ACSM2A: variants seen among roughly 807,000 people sequenced by gnomAD.
ACSM2A encodes acyl-coenzyme A synthetase ACSM2A, mitochondrial.
ACSM2A carries 72 observed loss-of-function variants against 76.6 expected under a neutral mutation model. That is an observed-to-expected ratio of 0.94 (90% CI 0.78 to 1.14). The LOEUF (loss-of-function observed/expected upper bound fraction) is 1.14, where lower values mean the gene tolerates loss of function less well. Ranked by LOEUF, ACSM2A falls within the 50% of genes most tolerant of loss-of-function variation. The pLI, the probability that ACSM2A is intolerant of heterozygous loss-of-function variation, is 0.00. For missense variants in ACSM2A, 684 were observed against 708.5 expected (o/e 0.97, Z 0.39); for synonymous variants, 249 against 255.9 (o/e 0.97, Z 0.26).
At chr16:20,486,090 C>A (rs536803201) in intron 13 of ACSM2A, among the ~76,000 whole-genome samples, 2 of 152,322 alleles carry the variant, frequency 1.3e-5, no homozygotes, top group South Asian at 2.1e-4. Context: ...TCAGATTAAC[C>A]CAGATTAATA....
At chr16:20,479,817 A>G (rs1182573152) in intron 10 of ACSM2A, among the ~76,000 whole-genome samples, 1 of 152,220 alleles carries the variant, frequency 6.6e-6, no homozygotes. Context: ...TGAGAAAGTC[A>G]ATCCAGTGGC....
intron 13 of ACSM2A, among the ~76,000 whole-genome samples, chr16:20,483,649 C>A (rs992636488): frequency 2.1e-5 from 3 of 140,824 alleles, no homozygotes; most frequent in South Asian, 4.7e-4. Flanking sequence ...TAGCTTGATG[C>A]CTGAAAAATG....
intron 10 of ACSM2A, among the ~76,000 whole-genome samples, chr16:20,480,230 G>A (rs2014003687): frequency 6.6e-6 from 1 of 152,186 alleles, no homozygotes; most frequent in South Asian, 2.1e-4. Flanking sequence ...GCTTTGAGTG[G>A]TGCTATGGAG....
chr16:20,474,339 T>C (rs1156959146), intron 6 of ACSM2A: 2 of 191,712 alleles, frequency 1.0e-5, no homozygotes, highest in Non-Finnish European at 2.2e-5. Flanking sequence ...TAATGGGTTA[T>C]CCTGTTAGTG....
chr16:20,481,264 T>C, intron 12 of ACSM2A: 1 of 309,608 alleles, frequency 3.2e-6, no homozygotes, highest in Non-Finnish European at 6.1e-6. Context: ...CAAGAAGATG[T>C]CCACACTCCC....
At position 20,487,419 on chromosome 16, in the gene ACSM2A, T is replaced by C. The variant is rs2014434614; in HGVS notation, c.*741T>C. ...TTGGGACATTAGAATCATCCACAAG[T>C]CACCCCAAACCTTGGAACTGTCAGG... On this transcript the variant is annotated 3_prime_UTR_variant, in exon 14 of 14. Transcript: ENST00000573854. 6.6e-6 allele frequency: 1 copy of C among 152,206 alleles called. No homozygotes were observed. The highest frequency in any genetic ancestry group is 2.1e-4 in the South Asian group (1 of 4,814). 9.4% of individuals were successfully genotyped at this position (152,206 alleles called of 1,614,324 possible).
chr16:20,480,594 G>C lies in ACSM2A; in HGVS notation c.1303G>C (p.Ala435Pro), dbSNP rs577931949. The C allele has an allele frequency of 1.2e-6, 2 of 1,613,882 alleles. No individual in the cohort carries two copies. The highest frequency in any genetic ancestry group is 3.3e-5 in the Admixed American group (2 of 60,008). The change falls in exon 11 of 14, where the codon GCC (alanine) becomes CCC (proline). Residue 435 changes from alanine (A) to proline (P), a missense_variant. Coordinates refer to ENST00000573854, the MANE Select transcript of ACSM2A (RefSeq NM_001308172.2). ...CCAGGACAATCCCGACAAGACAGCA[G>C]CCAACATTCGAGGAGACTTTTGGCT... The part of the protein sequence containing the change: ...GYVDNPDKTA[A>P]NIRGDFWLLG...
Position 20,469,685 on chromosome 16 carries a change from T to G in ACSM2A, c.562T>G (p.Cys188Gly), listed in dbSNP as rs749254977. ...TAAGCTACTGGTGTCTGAGAAAAGC[T>G]GTGATGGGTGGCTGAACTTCAAGAA... is the stretch of plus-strand genomic sequence containing the variant. ...RIKLLVSEKS[C>G]DGWLNFKKLL... The change falls in exon 4 of 14, where the codon TGT (cysteine) becomes GGT (glycine). Residue 188 changes from cysteine to glycine, a missense_variant. Cys to Gly is a radical substitution (Grantham distance 159). Coordinates refer to ENST00000573854, the MANE Select transcript of ACSM2A (RefSeq NM_001308172.2). 6.2e-7 allele frequency: 1 copy of G among 1,613,802 alleles called. No individual in the cohort carries two copies. Among genetic ancestry groups the G allele is most frequent in the Non-Finnish European group, 8.5e-7 (1 of 1,179,786 alleles).
intron 8 of ACSM2A, 92 bp downstream of exon 8, chr16:20,475,865 T>C (rs1713986650): frequency 6.3e-7 from 1 of 1,579,728 alleles, no homozygotes; most frequent in East Asian, 2.2e-5. Flanking sequence ...CCATGTATCA[T>C]TCATCTATTC....
At chr16:20,463,674 C>G (rs565977771) in intron 2 of ACSM2A, among the ~76,000 whole-genome samples, 1 of 152,238 alleles carries the variant, frequency 6.6e-6, no homozygotes, top group East Asian at 1.9e-4. Flanking sequence ...GCCAATTAAA[C>G]TTTTTTCTTT....
At chr16:20,475,599 G>C (rs769775079) in intron 7 of ACSM2A, 51 bp from the exon 8 acceptor site, 6 of 1,612,258 alleles carry the variant, frequency 3.7e-6, no homozygotes, top group Middle Eastern at 1.7e-4. Flanking sequence ...AGGCCTGAGT[G>C]GACTTTGGTT....
chr16:20,471,336 C>G, intron 5 of ACSM2A, 120 bp downstream of exon 5: 2 of 1,511,296 alleles, frequency 1.3e-6, no homozygotes, highest in East Asian at 4.5e-5. Context: ...ACATTCATCT[C>G]CTGTTGATAC....
chr16:20,482,818 T>C (rs1375087335), intron 12 of ACSM2A: 1 of 407,998 alleles, frequency 2.5e-6, no homozygotes, highest in African/African-American at 2.0e-5. Context: ...CTATTGTTAT[T>C]GGAGTATGAG....
chr16:20,461,478 CA>C, intron 2 of ACSM2A, among the ~76,000 whole-genome samples: 1 of 151,994 alleles, frequency 6.6e-6, no homozygotes, highest in Admixed American at 6.6e-5. Context: ...ATATAAACAT[CA>C]AAAAATATTT....
At chr16:20,464,910 C>T (rs2012883458) in intron 2 of ACSM2A, among the ~76,000 whole-genome samples, 1 of 151,922 alleles carries the variant, frequency 6.6e-6, no homozygotes, top group Admixed American at 6.6e-5. Context: ...CTGAACTGTA[C>T]ACTCAAAAAT....
chr16:20,461,294 CTT>C (rs1285735956), intron 2 of ACSM2A, among the ~76,000 whole-genome samples: 4 of 150,166 alleles, frequency 2.7e-5, no homozygotes, highest in African/African-American at 9.9e-5. Flanking sequence ...TGTGGGTACT[CTT>C]AAAAAAAATA....
intron 5 of ACSM2A, 55 bp downstream of exon 5, chr16:20,471,271 G>A: frequency 1.3e-6 from 2 of 1,585,620 alleles, no homozygotes; most frequent in Admixed American, 1.7e-5. Context: ...GAGTTAGAAG[G>A]AGAATGAGAC....
At chr16:20,458,931 T>TATATATATATAC (rs1373102129) in intron 1 of ACSM2A, among the ~76,000 whole-genome samples, 1 of 56,768 alleles carries the variant, frequency 1.8e-5, no homozygotes, top group South Asian at 6.5e-4. Flanking sequence ...TATATATATA[T>TATATATATATAC]ACATATATAT....
chr16:20,474,022 C>A, intron 6 of ACSM2A: 1 of 447,212 alleles, frequency 2.2e-6, no homozygotes, highest in Non-Finnish European at 4.5e-6. Context: ...AGCTGGAAGC[C>A]CCCGCTTCAA....
Sources: gnomAD v4.1 joint callset for allele counts (sites outside exome capture counted in the v4.1 genomes callset) on GRCh38, gnomAD v4.1.1 for gene constraint, MANE v1.5 for transcripts, NCBI Gene and HGNC (gene_info 2026-07-23, HGNC 2026-07-21) for gene names.